Variants in EIF2S1 observed in about 807,000 individuals in gnomAD.
EIF2S1 encodes the protein eukaryotic translation initiation factor 2 subunit 1.
A neutral mutation model predicts 33.5 loss-of-function variants in EIF2S1; 5 were observed. The ratio of observed to expected loss-of-function variants is 0.15; its 90% CI spans 0.08 to 0.31. The LOEUF (loss-of-function observed/expected upper bound fraction) is 0.31, where lower values mean the gene tolerates loss of function less well. Ranked by LOEUF, EIF2S1 falls within the 10% of genes least tolerant of loss-of-function variation. The pLI is 1.00. For missense variants in EIF2S1, 191 were observed against 384.6 expected, an observed-to-expected ratio of 0.50 and a Z score of 4.21; for synonymous variants, 99 against 127.5, an observed-to-expected ratio of 0.78 and a Z score of 1.51.
intron 2 of EIF2S1, among the ~76,000 whole-genome samples, chr14:67,369,154 T>C (rs1052913014): frequency 7.9e-5 from 12 of 152,194 alleles, no homozygotes; most frequent in African/African-American, 2.9e-4. Flanking sequence ...ACAAGAGATA[T>C]ACTTGGTTGA....
At chr14:67,364,282 T>A (rs569934287) in intron 1 of EIF2S1, 1 of 152,356 alleles carries the variant, frequency 6.6e-6, no homozygotes, top group Non-Finnish European at 1.5e-5. Flanking sequence ...TGACAGAATG[T>A]ATCATTTGGT....
In EIF2S1 at chr14:67,383,644, C is replaced by A; in HGVS notation, c.*204C>A. 1 of 605,480 alleles carries A rather than the reference C, an allele frequency of 1.7e-6. No individual in the cohort carries two copies. The highest frequency in any genetic ancestry group is 2.8e-6 in the Non-Finnish European group (1 of 361,174). The allele number at this position is 605,480 out of a possible 1,614,324, so 37.5% of individuals were successfully genotyped here. A position where few individuals can be genotyped will look rare whatever the true frequency, so the allele number is the denominator to read the frequency against. The stretch of plus-strand genomic sequence containing the variant: ...CACACAGTAGCTCCAACACTTTGAG[C>A]ATTTTTAAGGGAGTGGCCTCATTTC... On this transcript the variant is annotated 3_prime_UTR_variant, in exon 8 of 8. Coordinates refer to ENST00000256383, the MANE Select transcript of EIF2S1 (RefSeq NM_004094.5).
At chr14:67,381,278 A>G in intron 5 of EIF2S1, among the ~76,000 whole-genome samples, 1 of 152,220 alleles carries the variant, frequency 6.6e-6, no homozygotes, top group African/African-American at 2.4e-5. Context: ...AAATGCTACA[A>G]ATTAGCACCC....
chr14:67,380,966 T>C (rs1261292595), intron 5 of EIF2S1, among the ~76,000 whole-genome samples: 1 of 152,208 alleles, frequency 6.6e-6, no homozygotes, highest in Non-Finnish European at 1.5e-5. Context: ...AGAAACAGTC[T>C]TGTGAGTTCA....
At chr14:67,379,370 T>C (rs949966412) in intron 4 of EIF2S1, among the ~76,000 whole-genome samples, 8 of 152,254 alleles carry the variant, frequency 5.3e-5, no homozygotes, top group African/African-American at 1.9e-4. Context: ...TTGATTTGCA[T>C]ACTCCTGATT....
intron 2 of EIF2S1, among the ~76,000 whole-genome samples, chr14:67,366,724 A>G (rs879354584): frequency 2.6e-5 from 4 of 152,298 alleles, no homozygotes; most frequent in Non-Finnish European, 5.9e-5. Context: ...AAGCCTTTCA[A>G]CGTAAATGCC....
In EIF2S1 at chr14:67,383,484, C is replaced by T. The variant is rs2085901109; in HGVS notation, c.*44C>T. The T allele has an allele frequency of 6.2e-7, 1 of 1,607,556 alleles. No homozygotes were observed. The highest frequency in any genetic ancestry group is 8.5e-7 in the Non-Finnish European group (1 of 1,175,846). The stretch of plus-strand genomic sequence containing the variant: ...CCAATTTAAGGAACACAGAGCAGCG[C>T]TTCCTGGCTGTAAATCCTAGACTTG... On this transcript the variant is annotated 3_prime_UTR_variant, in exon 8 of 8. Coordinates refer to ENST00000256383, the MANE Select transcript of EIF2S1 (RefSeq NM_004094.5).
intron 6 of EIF2S1, 21 bp downstream of exon 6, chr14:67,381,711 C>T (rs1253011051): frequency 4.5e-6 from 7 of 1,560,224 alleles, no homozygotes; most frequent in Non-Finnish European, 6.2e-6. Context: ...AGTTGTCTCC[C>T]TCCCTGCTGA....
chr14:67,371,588 AT>A (rs2085822093), intron 2 of EIF2S1, among the ~76,000 whole-genome samples: 1 of 152,198 alleles, frequency 6.6e-6, no homozygotes, highest in Non-Finnish European at 1.5e-5. Context: ...AGTATACTCT[AT>A]TATTCCTAGG....
At chr14:67,373,783 C>G (rs1468394422) in intron 2 of EIF2S1, among the ~76,000 whole-genome samples, 1 of 151,772 alleles carries the variant, frequency 6.6e-6, no homozygotes. Context: ...GTTTAAGCAC[C>G]TAACATAGTT....
intron 7 of EIF2S1, 59 bp downstream of exon 7, chr14:67,382,649 G>C (rs569465462): frequency 6.3e-7 from 1 of 1,584,114 alleles, no homozygotes; most frequent in South Asian, 1.1e-5. Context: ...AGGAGTTCTT[G>C]TAGGTAAATA....
intron 1 of EIF2S1, among the ~76,000 whole-genome samples, chr14:67,361,536 T>A (rs915371371): frequency 6.6e-6 from 1 of 152,250 alleles, no homozygotes; most frequent in Admixed American, 6.5e-5. Context: ...ATTAGAATTA[T>A]CACGAGAGTT....
At chr14:67,382,261 A>G (rs1027283883) in intron 6 of EIF2S1, 186 bp from the exon 7 acceptor site, 12 of 461,232 alleles carry the variant, frequency 2.6e-5, no homozygotes, top group African/African-American at 2.2e-4. Context: ...TGCTTTTGCT[A>G]CATTAACAAA....
chr14:67,365,170 C>T (rs1386894982), intron 2 of EIF2S1, among the ~76,000 whole-genome samples, 162 bp downstream of exon 2: 1 of 151,990 alleles, frequency 6.6e-6, no homozygotes, highest in African/African-American at 2.4e-5. Context: ...AATTAGCTAT[C>T]TAAGCAAGAT....
chr14:67,367,252 G>C (rs893621698), intron 2 of EIF2S1, among the ~76,000 whole-genome samples: 2 of 152,004 alleles, frequency 1.3e-5, no homozygotes, highest in Admixed American at 1.3e-4. Flanking sequence ...TTTTTTGGGG[G>C]ATGGAGTCTC....
In EIF2S1 at chr14:67,385,977, T is replaced by G. The variant is rs978952846; in HGVS notation, c.*2537T>G. On this transcript the variant is annotated 3_prime_UTR_variant, in exon 8 of 8. Coordinates refer to ENST00000256383, the MANE Select transcript of EIF2S1 (RefSeq NM_004094.5). ...ATTTTTTTAAAAATACAAATGCCAG[T>G]ACCTTGCCGAGACTTGTTCACTGAT... The G allele has an allele frequency of 6.6e-6, 1 of 152,184 alleles. No individual in the cohort carries two copies. Among genetic ancestry groups the G allele is most frequent in the African/African-American group, 2.4e-5 (1 of 41,444 alleles). The allele number at this position is 152,184 out of a possible 1,614,324, so 9.4% of individuals were successfully genotyped here.
intron 3 of EIF2S1, 36 bp from the exon 4 acceptor site, chr14:67,376,403 A>T: frequency 6.5e-7 from 1 of 1,547,986 alleles, no homozygotes; most frequent in Admixed American, 2.0e-5. Flanking sequence ...TAAATCTCTT[A>T]TCTTTGAATT....
At chr14:67,375,318 C>T (rs1211863847) in intron 3 of EIF2S1, among the ~76,000 whole-genome samples, 3 of 151,090 alleles carry the variant, frequency 2.0e-5, no homozygotes, top group African/African-American at 7.3e-5. Flanking sequence ...TGTAGTGGCG[C>T]AATCTCAACT....
chr14:67,371,239 C>T (rs561454352), intron 2 of EIF2S1, among the ~76,000 whole-genome samples: 1 of 151,982 alleles, frequency 6.6e-6, no homozygotes, highest in South Asian at 2.1e-4. Flanking sequence ...TATAGGGAGA[C>T]CCCATCTCTA....
Sources: allele counts gnomAD v4.1 joint callset (sites outside exome capture counted in the v4.1 genomes callset), GRCh38; gene constraint gnomAD v4.1.1; transcripts MANE v1.5; gene names NCBI Gene and HGNC (gene_info 2026-07-23, HGNC 2026-07-21).